The following PCBP2 variants were observed in gnomAD, a reference collection of about 807,000 sequenced individuals.
The protein encoded by PCBP2 is poly(rC)-binding protein 2.
PCBP2 carries 4 observed loss-of-function variants against 50.1 expected under a neutral mutation model. The observed-to-expected ratio is 0.08, with a 90% CI of 0.04 to 0.18. The LOEUF (loss-of-function observed/expected upper bound fraction) is 0.18. Among genes scored for constraint, PCBP2 ranks in the 10% least tolerant of loss-of-function variants. The probability of loss-of-function intolerance (pLI) is 1.00; values close to 1 mark genes in which losing one functional copy is unlikely to be tolerated. For missense variants in PCBP2, 161 were observed against 474.3 expected, an observed-to-expected ratio of 0.34 and a Z score of 6.14; for synonymous variants, 179 against 168.0, an observed-to-expected ratio of 1.07 and a Z score of -0.51.
chr12:53,465,713 C>T (rs551416859), intron 9 of PCBP2, among the ~76,000 whole-genome samples: 1 of 152,144 alleles, frequency 6.6e-6, no homozygotes, highest in Non-Finnish European at 1.5e-5. Flanking sequence ...ACTTGGCTAC[C>T]TTTATAGGAT....
chr12:53,471,934 T>TG, intron 14 of PCBP2, 127 bp downstream of exon 14: 1 of 775,124 alleles, frequency 1.3e-6, no homozygotes, highest in South Asian at 2.5e-5. Context: ...GTTTTTTTTT[T>TG]TTTTTGCTAG....
chr12:53,474,331 CTT>C (rs1400675553), intron 14 of PCBP2, among the ~76,000 whole-genome samples: 1 of 152,224 alleles, frequency 6.6e-6, no homozygotes, highest in African/African-American at 2.4e-5. Flanking sequence ...ACTTTGGACT[CTT>C]GTCTCTTTCC....
At chr12:53,457,054 AC>A (rs1941079714) in intron 5 of PCBP2, among the ~76,000 whole-genome samples, 1 of 151,942 alleles carries the variant, frequency 6.6e-6, no homozygotes, top group Non-Finnish European at 1.5e-5. Flanking sequence ...ATAGTATTTA[AC>A]TTTTTTTTTT....
intron 13 of PCBP2, among the ~76,000 whole-genome samples, chr12:53,470,378 C>CAAAAAAAAAAAAAA (rs754350790): frequency 1.7e-4 from 8 of 47,362 alleles, no homozygotes; most frequent in African/African-American, 8.0e-4. Flanking sequence ...CTCCGTCTCT[C>CAAAAAAAAAAAAAA]AAAAAAAAAA....
chr12:53,458,729 C>G (rs1280536634), intron 5 of PCBP2, among the ~76,000 whole-genome samples: 1 of 151,642 alleles, frequency 6.6e-6, no homozygotes, highest in Non-Finnish European at 1.5e-5. Flanking sequence ...AACTTTGCCT[C>G]CTGGGTTCAA....
intron 9 of PCBP2, chr12:53,465,104 C>T: frequency 2.8e-6 from 1 of 353,220 alleles, no homozygotes; most frequent in Non-Finnish European, 5.0e-6. Context: ...ACTCCTCCCA[C>T]CCCATTTTCA....
chr12:53,476,564 A>G (rs1942598240), intron 14 of PCBP2, among the ~76,000 whole-genome samples: 1 of 152,110 alleles, frequency 6.6e-6, no homozygotes, highest in Non-Finnish European at 1.5e-5. Context: ...ACAGTGCTGA[A>G]AGTGTAATGC....
intron 14 of PCBP2, among the ~76,000 whole-genome samples, chr12:53,474,152 C>G (rs1243426100): frequency 6.6e-6 from 1 of 152,172 alleles, no homozygotes; most frequent in African/African-American, 2.4e-5. Flanking sequence ...ACTTGAGTTT[C>G]TCTTTTCCAC....
chr12:53,461,358 C>CT (rs1188778726), intron 7 of PCBP2, among the ~76,000 whole-genome samples: 4 of 152,208 alleles, frequency 2.6e-5, no homozygotes, highest in Admixed American at 2.6e-4. Flanking sequence ...CAGCAGTGAT[C>CT]TTTTGGTTCA....
rs7299399 is a variant in PCBP2 at position 53,463,559 on chromosome 12, A to G, written c.579+992A>G. 4.1e-3 allele frequency among the ~76,000 whole-genome samples: 627 copies of G among 152,348 alleles called. 1 individual carries two copies. The highest frequency in any genetic ancestry group is 0.015 in the African/African-American group (606 of 41,570). On this transcript the variant is annotated intron_variant, in intron 8 of 14. Coordinates refer to ENST00000546463, the MANE Select transcript of PCBP2 (RefSeq NM_031989.5). Reference sequence around the variant, plus strand: ...TATAAGTAACCTAGAGATGATTAAAATATGTGGGAGGATATGCTTAGGTTA... The same window carrying G: ...TATAAGTAACCTAGAGATGATTAAAGTATGTGGGAGGATATGCTTAGGTTA...
intron 13 of PCBP2, among the ~76,000 whole-genome samples, chr12:53,471,281 T>G (rs1362481743): frequency 6.6e-6 from 1 of 151,832 alleles, no homozygotes; most frequent in Non-Finnish European, 1.5e-5. Flanking sequence ...CCTCGGTTTT[T>G]TTTTTTTTTT....
intron 10 of PCBP2, 103 bp from the exon 11 acceptor site, chr12:53,467,118 G>C (rs2137075685): frequency 1.3e-6 from 1 of 776,600 alleles, no homozygotes; most frequent in Non-Finnish European, 2.2e-6. Flanking sequence ...TTGAGTAGTA[G>C]AGTCAATTTT....
At chr12:53,474,314 G>C (rs188895380) in intron 14 of PCBP2, among the ~76,000 whole-genome samples, 1 of 152,184 alleles carries the variant, frequency 6.6e-6, no homozygotes, top group Non-Finnish European at 1.5e-5. Context: ...AAATTAGTCA[G>C]TGACCTACTT....
chr12:53,471,578 T>G, intron 13 of PCBP2, 60 bp from the exon 14 acceptor site: 1 of 1,393,974 alleles, frequency 7.2e-7, no homozygotes, highest in East Asian at 2.8e-5. Flanking sequence ...GGGGGTGGGA[T>G]TCTTAGACCT....
chr12:53,469,253 A>G (rs889531061), intron 13 of PCBP2, among the ~76,000 whole-genome samples: 5 of 152,002 alleles, frequency 3.3e-5, no homozygotes, highest in African/African-American at 1.2e-4. Context: ...GAATTTTATT[A>G]TTTTATCTTT....
At position 53,452,223 on chromosome 12, in the gene PCBP2, TTCC is replaced by T. The variant is rs1241875088; in HGVS notation, c.-213_-211del. On this transcript the variant is annotated 5_prime_UTR_variant, in exon 1 of 15. Transcript: ENST00000546463. ...ACCCGCCCCGGGGTCTCTTTCCCCC[TTCC>T]TCCTCCTCCTCCTCCACCCCCCCTT... is the stretch of plus-strand genomic sequence containing the variant. 1.1e-4 allele frequency: 11 copies of T among 104,480 alleles called. No homozygotes were observed. The South Asian group carries it at 1.1e-3, about 11-fold the overall frequency. The allele number at this position is 104,480 out of a possible 1,614,324, so 6.5% of individuals were successfully genotyped here.
chr12:53,473,428 C>T (rs1407414517), intron 14 of PCBP2, among the ~76,000 whole-genome samples: 1 of 152,148 alleles, frequency 6.6e-6, no homozygotes, highest in Non-Finnish European at 1.5e-5. Flanking sequence ...AAGAAGTTTT[C>T]AGTTTTCAGT....
intron 9 of PCBP2, 112 bp from the exon 10 acceptor site, chr12:53,465,820 C>A: frequency 1.2e-6 from 1 of 803,360 alleles, no homozygotes; most frequent in Admixed American, 1.9e-5. Flanking sequence ...TCTGGCCTCC[C>A]CCATTCTCTA....
chr12:53,457,385 G>GA (rs1418809517), intron 5 of PCBP2, among the ~76,000 whole-genome samples: 1 of 151,050 alleles, frequency 6.6e-6, no homozygotes, highest in Non-Finnish European at 1.5e-5. Context: ...TATTTTTTGA[G>GA]ACAGGGTCTT....
Sources: allele counts gnomAD v4.1 joint callset (sites outside exome capture counted in the v4.1 genomes callset), GRCh38; gene constraint gnomAD v4.1.1; transcripts MANE v1.5; gene names NCBI Gene and HGNC (gene_info 2026-07-23, HGNC 2026-07-21).